Variants in OTUD7A observed in about 807,000 individuals in gnomAD.
OTUD7A encodes OTU domain-containing protein 7A.
OTUD7A carries 12 observed loss-of-function variants against 65.7 expected under a neutral mutation model. The observed-to-expected ratio is 0.18, with a 90% confidence interval of 0.12 to 0.30. The LOEUF is 0.30. Among genes scored for constraint, OTUD7A ranks in the 10% least tolerant of loss-of-function variants. The pLI, the probability that OTUD7A is intolerant of heterozygous loss-of-function variation, is 1.00. For synonymous variants in OTUD7A, 641 were observed against 586.3 expected (o/e 1.09, Z -1.35); for missense variants, 1,148 against 1,304.8 (o/e 0.88, Z 1.85).
intron 1 of OTUD7A, among the ~76,000 whole-genome samples, chr15:31,722,096 T>C (rs2654029): frequency 2.7e-4 from 41 of 152,158 alleles, no homozygotes; most frequent in Non-Finnish European, 4.6e-4. Flanking sequence ...TGTGGCACAG[T>C]CTCATCAGCC....
At chr15:31,586,939 A>G (rs4779898) in intron 3 of OTUD7A, among the ~76,000 whole-genome samples, 52,111 of 151,642 alleles carry the variant, frequency 0.34, 12,175 homozygotes, top group African/African-American at 0.67. Context: ...TTCTCCACCC[A>G]CATTGCCCGC....
At chr15:31,803,814 A>G (rs553054709) in intron 1 of OTUD7A, among the ~76,000 whole-genome samples, 3 of 152,324 alleles carry the variant, frequency 2.0e-5, no homozygotes, top group Non-Finnish European at 2.9e-5. Flanking sequence ...GGTAGGGGAC[A>G]AGGTGAAAAG....
intron 1 of OTUD7A, among the ~76,000 whole-genome samples, chr15:31,740,381 A>G (rs1455165933): frequency 6.7e-6 from 1 of 148,826 alleles, no homozygotes; most frequent in Non-Finnish European, 1.5e-5. Context: ...CTCATGCTAG[A>G]GCTCACATGT....
rs145796011 is a variant in OTUD7A, at chr15:31,487,466, G to A, written c.1272C>T (p.Asn424=). Residue 424 remains asparagine (N), a synonymous_variant, in exon 11 of 13, where the codon AAC becomes AAT. Transcript: ENST00000307050. The surrounding 1 kb of genome is among the most constrained non-coding windows in gnomAD (Gnocchi z 6.0). ...TAGGATCTTACTGGGCCAGCCGGGCGTTATCGTTGTCGTCTTTCCCCCACT... is the reference window on the plus strand; with the variant it reads ...TAGGATCTTACTGGGCCAGCCGGGCATTATCGTTGTCGTCTTTCCCCCACT... ...DWEWGKDDND[N]ARLAHLILSL... 7.9e-5 allele frequency: 128 copies of A among 1,613,862 alleles called. No homozygotes were observed. Among genetic ancestry groups the A allele is most frequent in the South Asian group, 4.0e-4 (36 of 91,062 alleles).
At chr15:31,735,478 A>C (rs1286107165) in intron 1 of OTUD7A, among the ~76,000 whole-genome samples, 1 of 151,878 alleles carries the variant, frequency 6.6e-6, no homozygotes, top group East Asian at 1.9e-4. Flanking sequence ...CAGTGAGCCA[A>C]GATTGAGATT....
chr15:31,528,892 A>G (rs1334448419), intron 6 of OTUD7A, among the ~76,000 whole-genome samples: 1 of 152,234 alleles, frequency 6.6e-6, no homozygotes, highest in African/African-American at 2.4e-5. Context: ...AAGTGCTGGG[A>G]TAAGAGGACA....
intron 1 of OTUD7A, among the ~76,000 whole-genome samples, chr15:31,729,063 T>A (rs1207109848): frequency 1.3e-5 from 2 of 152,226 alleles, no homozygotes; most frequent in African/African-American, 4.8e-5. Flanking sequence ...ATAAATTTTA[T>A]TATAGTATGT....
intron 1 of OTUD7A, among the ~76,000 whole-genome samples, chr15:31,784,798 A>C (rs1895628970): frequency 6.6e-6 from 1 of 152,192 alleles, no homozygotes; most frequent in Non-Finnish European, 1.5e-5. Context: ...TTCACAATTA[A>C]AATTTATTAC....
At chr15:31,659,233 C>T (rs930298475) in intron 1 of OTUD7A, among the ~76,000 whole-genome samples, 6 of 152,110 alleles carry the variant, frequency 3.9e-5, no homozygotes, top group Admixed American at 2.0e-4. Context: ...GGTCTGATCC[C>T]TGGGGACAGG....
chr15:31,618,597 A>G (rs577113465), intron 3 of OTUD7A, among the ~76,000 whole-genome samples: 74 of 152,268 alleles, frequency 4.9e-4, no homozygotes, highest in African/African-American at 1.6e-3. Flanking sequence ...GCGTCTGTTC[A>G]TATCCTTTGC....
In OTUD7A at chr15:31,548,189, TCCCGGGCCACCCCCATCATCTGTGGGCGC is replaced by T. The variant is rs566172787; in HGVS notation, c.550+10751_550+10779del. ...TGGGGACTGCCGTGATTTGTGGGCC[TCCCGGGCCACCCCCATCATCTGTGGGCGC>T]CCTGGGCCACCCCCCTTCACTTTGC... On this transcript the variant is annotated intron_variant, in intron 5 of 12. Transcript: ENST00000307050. Among the ~76,000 whole-genome samples the T allele has an allele frequency of 6.1e-3, 875 of 142,760 alleles. 1 individual carries two copies. The highest frequency in any genetic ancestry group is 0.012 in the South Asian group (50 of 4,026). 93.7% of individuals were successfully genotyped at this position (142,760 alleles called of 152,430 possible).
rs1897276040 is a variant in OTUD7A, at chr15:31,845,508, AC to A, written c.-100+24998del. ...TGAAGCTGGCCTCACGCCGGCTCCA[AC>A]CACACGATGCACCCAGGGCCACAGA... On this transcript the variant is annotated intron_variant, in intron 1 of 12. Coordinates refer to ENST00000307050, the MANE Select transcript of OTUD7A (RefSeq NM_001382637.1). Among the ~76,000 whole-genome samples, 3 of 152,344 alleles carry A rather than the reference AC, an allele frequency of 2.0e-5. No homozygotes were observed. The South Asian group carries it at 6.2e-4, about 32-fold the overall frequency.
At chr15:31,611,805 C>T (rs995630600) in intron 3 of OTUD7A, among the ~76,000 whole-genome samples, 9 of 152,148 alleles carry the variant, frequency 5.9e-5, no homozygotes, top group Admixed American at 1.3e-4. Context: ...TCTATGAAGC[C>T]AGCATCACCC....
intron 1 of OTUD7A, among the ~76,000 whole-genome samples, chr15:31,664,365 C>CA (rs1947500403): frequency 6.6e-6 from 1 of 151,340 alleles, no homozygotes; most frequent in South Asian, 2.1e-4. Flanking sequence ...GCCATTCTTG[C>CA]AGGAGTAAGG....
At chr15:31,758,748 T>A (rs1479176276) in intron 1 of OTUD7A, among the ~76,000 whole-genome samples, 1 of 152,192 alleles carries the variant, frequency 6.6e-6, no homozygotes, top group Non-Finnish European at 1.5e-5. Context: ...TCCAACTGGA[T>A]GAAGCACAAC....
chr15:31,611,911 A>G (rs138752494), intron 3 of OTUD7A, among the ~76,000 whole-genome samples: 1 of 152,302 alleles, frequency 6.6e-6, no homozygotes, highest in African/African-American at 2.4e-5. Flanking sequence ...ACAAAATACT[A>G]GCTAACCAAA....
chr15:31,686,203 G>T (rs1892833115), intron 1 of OTUD7A, among the ~76,000 whole-genome samples: 1 of 152,234 alleles, frequency 6.6e-6, no homozygotes, highest in Non-Finnish European at 1.5e-5. Flanking sequence ...GGAGAAGGAG[G>T]GGTCCTTTTC....
chr15:31,629,950 ATT>A (rs1237923374), intron 3 of OTUD7A, among the ~76,000 whole-genome samples: 1 of 151,814 alleles, frequency 6.6e-6, no homozygotes, highest in Non-Finnish European at 1.5e-5. Flanking sequence ...CCCCTTTATC[ATT>A]TTTTATTGTG....
intron 1 of OTUD7A, among the ~76,000 whole-genome samples, chr15:31,658,424 C>A (rs570233343): frequency 2.0e-5 from 3 of 152,280 alleles, no homozygotes; most frequent in Non-Finnish European, 4.4e-5. Context: ...GGGCTCCTGC[C>A]TTCAATTCCG....
Sources: allele counts gnomAD v4.1 joint callset (sites outside exome capture counted in the v4.1 genomes callset), GRCh38; gene constraint gnomAD v4.1.1; non-coding constraint Gnocchi (gnomAD v3.1); transcripts MANE v1.5; gene names NCBI Gene and HGNC (gene_info 2026-07-23, HGNC 2026-07-21).